The following LRRTM4 variants were observed in gnomAD, a reference collection of about 807,000 sequenced individuals.
LRRTM4 encodes the protein leucine rich repeat transmembrane neuronal 4, also known as leucine-rich repeat transmembrane neuronal protein 4.
In LRRTM4, 25 loss-of-function variants were observed where a neutral mutation model predicts 47.6. The observed-to-expected ratio is 0.53, with a 90% confidence interval of 0.38 to 0.73. The LOEUF (loss-of-function observed/expected upper bound fraction) is 0.73, where lower values mean the gene tolerates loss of function less well. Among genes scored for constraint, LRRTM4 ranks in the 30% least tolerant of loss-of-function variants. The pLI is 0.00. For missense variants in LRRTM4, 638 were observed against 713.4 expected (o/e 0.89, Z 1.20); for synonymous variants, 311 against 269.5 (o/e 1.15, Z -1.51).
intron 3 of LRRTM4, among the ~76,000 whole-genome samples, chr2:77,321,557 G>GT (rs199553046): frequency 9.0e-6 from 1 of 111,222 alleles, no homozygotes; most frequent in Non-Finnish European, 1.7e-5. Flanking sequence ...CGGGGAGGGG[G>GT]GGGGGTGTGT....
chr2:77,439,016 T>G (rs941361528), intron 3 of LRRTM4, among the ~76,000 whole-genome samples: 2 of 152,116 alleles, frequency 1.3e-5, no homozygotes, highest in African/African-American at 4.8e-5. Context: ...TTCCCACAAG[T>G]TATTCAAGTC....
chr2:77,257,087 G>A (rs907804597), intron 3 of LRRTM4, among the ~76,000 whole-genome samples: 1 of 152,032 alleles, frequency 6.6e-6, no homozygotes, highest in Non-Finnish European at 1.5e-5. Context: ...TCAAATTTCA[G>A]CCCTCATTCA....
chr2:77,083,893 C>T (rs1305208858), intron 3 of LRRTM4, among the ~76,000 whole-genome samples: 2 of 146,218 alleles, frequency 1.4e-5, no homozygotes, highest in African/African-American at 5.1e-5. Flanking sequence ...CAAGCTCCGC[C>T]TCCCGGGTTC....
intron 3 of LRRTM4, among the ~76,000 whole-genome samples, chr2:77,272,220 T>G (rs1158991776): frequency 1.3e-5 from 2 of 152,216 alleles, no homozygotes; most frequent in African/African-American, 4.8e-5. Flanking sequence ...TTGATAAACC[T>G]TGCCATTTGT....
intron 3 of LRRTM4, among the ~76,000 whole-genome samples, chr2:76,843,718 T>A (rs933444232): frequency 1.3e-5 from 2 of 152,038 alleles, no homozygotes; most frequent in African/African-American, 4.8e-5. Flanking sequence ...TGGAGAAGGT[T>A]GAGGATGGGC....
chr2:77,477,904 A>AAAGAAAGAAAG (rs1677483188), intron 3 of LRRTM4, among the ~76,000 whole-genome samples: 2 of 4,924 alleles, frequency 4.1e-4, no homozygotes, highest in African/African-American at 1.3e-3. Context: ...AAAGAAAGAA[A>AAAGAAAGAAAG]AAGAAAGAAA....
chr2:77,092,716 A>G (rs887803925), intron 3 of LRRTM4, among the ~76,000 whole-genome samples: 2 of 143,676 alleles, frequency 1.4e-5, no homozygotes, highest in Non-Finnish European at 2.9e-5. Flanking sequence ...CACCGCAGTC[A>G]TTTCTTCCAT....
At chr2:76,869,695 G>C (rs1264164783) in intron 3 of LRRTM4, among the ~76,000 whole-genome samples, 1 of 152,006 alleles carries the variant, frequency 6.6e-6, no homozygotes, top group Admixed American at 6.6e-5. Flanking sequence ...AATATAACTG[G>C]AGGCAAAATA....
chr2:76,987,058 A>G (rs923170670), intron 3 of LRRTM4, among the ~76,000 whole-genome samples: 3 of 151,980 alleles, frequency 2.0e-5, no homozygotes, highest in African/African-American at 7.2e-5. Context: ...TGAAAAAAAT[A>G]AAATCTGGAG....
intron 3 of LRRTM4, among the ~76,000 whole-genome samples, chr2:76,959,807 G>A (rs933070802): frequency 7.9e-5 from 12 of 151,700 alleles, no homozygotes; most frequent in African/African-American, 2.9e-4. Flanking sequence ...TGTCAGCAGA[G>A]AAGACTATTG....
intron 3 of LRRTM4, among the ~76,000 whole-genome samples, chr2:76,807,451 TATATATACATATATATATAC>T: frequency 2.0e-5 from 2 of 98,758 alleles, no homozygotes; most frequent in Admixed American, 1.2e-4. Context: ...TATACATATA[TATATATACATATATATATAC>T]ATATATATAT....
intron 3 of LRRTM4, among the ~76,000 whole-genome samples, chr2:76,858,445 T>A (rs984859127): frequency 6.6e-6 from 1 of 152,158 alleles, no homozygotes; most frequent in Non-Finnish European, 1.5e-5. Flanking sequence ...TCCTGCTTCT[T>A]GGGCTTTTGG....
intron 3 of LRRTM4, among the ~76,000 whole-genome samples, chr2:77,303,537 C>T (rs1277008684): frequency 3.3e-5 from 5 of 152,154 alleles, no homozygotes; most frequent in Non-Finnish European, 4.4e-5. Context: ...CAGACTTTAT[C>T]AAACACAATT....
Position 77,449,028 on chromosome 2 carries a change from A to G in LRRTM4, c.1551+69290T>C, listed in dbSNP as rs148292733. 7.1e-3 allele frequency among the ~76,000 whole-genome samples: 1,085 copies of G among 152,294 alleles called. 9 individuals carry two copies. The highest frequency in any genetic ancestry group is 0.025 in the African/African-American group (1,037 of 41,576). Reference sequence around the variant, plus strand: ...CTTTTGTGTCTATGTGACATGCATCATGATTCCTAACATAAGGAATAGCAG... The same window carrying G: ...CTTTTGTGTCTATGTGACATGCATCGTGATTCCTAACATAAGGAATAGCAG... On this transcript the variant is annotated intron_variant, in intron 3 of 3. Transcript: ENST00000409884.
At chr2:77,132,597 T>C (rs1259493646) in intron 3 of LRRTM4, among the ~76,000 whole-genome samples, 1 of 152,200 alleles carries the variant, frequency 6.6e-6, no homozygotes, top group African/African-American at 2.4e-5. Context: ...GAATGGCACC[T>C]TGAATGTTGC....
chr2:76,972,369 C>G (rs938148911), intron 3 of LRRTM4, among the ~76,000 whole-genome samples: 4 of 150,706 alleles, frequency 2.7e-5, no homozygotes, highest in African/African-American at 9.7e-5. Context: ...CACTCTCTGC[C>G]TTGTGTATAT....
intron 3 of LRRTM4, among the ~76,000 whole-genome samples, chr2:76,916,706 G>C (rs1264614140): frequency 1.3e-5 from 2 of 152,046 alleles, no homozygotes; most frequent in African/African-American, 4.8e-5. Context: ...CAAAGCCATG[G>C]TGTTTTGAGG....
chr2:77,483,267 C>G (rs1438743613), intron 3 of LRRTM4, among the ~76,000 whole-genome samples: 2 of 151,242 alleles, frequency 1.3e-5, no homozygotes, highest in African/African-American at 2.4e-5. Context: ...ATTTAAAAGA[C>G]TGCTCAAGAA....
chr2:76,843,845 A>T lies in LRRTM4; in HGVS notation c.1552-94929T>A, dbSNP rs114296323. 1.0e-2 allele frequency among the ~76,000 whole-genome samples: 1,513 copies of T among 152,054 alleles called. 26 individuals carry two copies. Among genetic ancestry groups the T allele is most frequent in the African/African-American group, 0.031 (1,265 of 41,464 alleles). Reference sequence around the variant, plus strand: ...TATGAAAAGTAAAAACAACATCAATACTAGGCCTTTTTGTCTCCAAAGCCC... The same window carrying T: ...TATGAAAAGTAAAAACAACATCAATTCTAGGCCTTTTTGTCTCCAAAGCCC... On this transcript the variant is annotated intron_variant, in intron 3 of 3. Transcript: ENST00000409884.
Sources: gnomAD v4.1 joint callset for allele counts (sites outside exome capture counted in the v4.1 genomes callset) on GRCh38, gnomAD v4.1.1 for gene constraint, MANE v1.5 for transcripts, NCBI Gene and HGNC (gene_info 2026-07-23, HGNC 2026-07-21) for gene names.